The following ZNF343 variants were observed in gnomAD, a reference collection of about 807,000 sequenced individuals.
ZNF343 encodes the protein zinc finger protein 343.
Under a neutral mutation model 13.8 loss-of-function variants are expected in ZNF343, and 11 were observed. The ratio of observed to expected loss-of-function variants is 0.80; its 90% CI spans 0.50 to 1.32. The LOEUF is 1.32. Ranked by LOEUF, ZNF343 falls within the 40% of genes most tolerant of loss-of-function variation. ZNF343 has a pLI of 0.00. For missense variants in ZNF343, 658 were observed against 714.2 expected (o/e 0.92, Z 0.90); for synonymous variants, 248 against 260.0 (o/e 0.95, Z 0.44).
intron 2 of ZNF343, among the ~76,000 whole-genome samples, chr20:2,498,815 G>A (rs552033308): frequency 2.6e-5 from 4 of 152,128 alleles, no homozygotes; most frequent in Non-Finnish European, 5.9e-5. Context: ...TGTCTCCAGG[G>A]TTACACAGCT....
chr20:2,520,857 T>G (rs2122764222), intron 1 of ZNF343, among the ~76,000 whole-genome samples: 2 of 152,258 alleles, frequency 1.3e-5, no homozygotes, highest in Middle Eastern at 6.8e-3. Flanking sequence ...GGTTGGCACT[T>G]GGACTCTGAA....
At chr20:2,489,150 G>C (rs949952192) in intron 5 of ZNF343, among the ~76,000 whole-genome samples, 4 of 152,172 alleles carry the variant, frequency 2.6e-5, no homozygotes, top group African/African-American at 7.2e-5. Context: ...GGTTATGTAA[G>C]AATCCATTTT....
Position 2,484,497 on chromosome 20 carries a change from C to G in ZNF343, c.464G>C (p.Gly155Ala), listed in dbSNP as rs1490070373. ...NSSPGHWKQQ[G>A]QQYSHVSCWF... ...ACAGCTTACATGGGAATACTGCTGCCCCTGCTGTTTCCAATGCCCTGGGCT... is the reference window on the plus strand; with the variant it reads ...ACAGCTTACATGGGAATACTGCTGCGCCTGCTGTTTCCAATGCCCTGGGCT... Residue 155 changes from glycine to alanine, a missense_variant, in exon 6 of 6, where the codon GGG (glycine) becomes GCG (alanine). Coordinates refer to ENST00000278772, the MANE Select transcript of ZNF343 (RefSeq NM_024325.6). 1.2e-6 allele frequency: 2 copies of G among 1,614,218 alleles called. No homozygotes were observed. The highest frequency in any genetic ancestry group is 3.3e-5 in the Admixed American group (2 of 60,020).
rs1239982108 is a variant in ZNF343 at position 2,508,485 on chromosome 20, G to A, written c.-237+396C>T. 1.3e-5 allele frequency among the ~76,000 whole-genome samples: 2 copies of A among 152,118 alleles called. No individual in the cohort carries two copies. Among genetic ancestry groups the A allele is most frequent in the African/African-American group, 2.4e-5 (1 of 41,410 alleles). On this transcript the variant is annotated intron_variant, in intron 1 of 5. Coordinates refer to ENST00000278772, the MANE Select transcript of ZNF343 (RefSeq NM_024325.6). This position sits in a 1 kb window ranked among gnomAD's most constrained non-coding sequence, Gnocchi z 4.5. ...AGCCACGTCCCCACCCCAGCCGCGG[G>A]GATGTTGGTCCATTTGGCCCTGGCA... is the stretch of plus-strand genomic sequence containing the variant.
At chr20:2,487,820 C>G in intron 5 of ZNF343, among the ~76,000 whole-genome samples, 1 of 152,228 alleles carries the variant, frequency 6.6e-6, no homozygotes, top group East Asian at 1.9e-4. Context: ...CTCAGCTTAG[C>G]CAAGTGTTCT....
At chr20:2,496,564 G>A (rs895526418) in intron 2 of ZNF343, among the ~76,000 whole-genome samples, 1 of 152,128 alleles carries the variant, frequency 6.6e-6, no homozygotes, top group South Asian at 2.1e-4. Flanking sequence ...GGTAGACTAG[G>A]AACAGACAAA....
intron 2 of ZNF343, among the ~76,000 whole-genome samples, chr20:2,497,593 AAC>A (rs1157904134): frequency 3.9e-5 from 6 of 152,220 alleles, no homozygotes; most frequent in Non-Finnish European, 7.3e-5. Flanking sequence ...CCTTGGCAAG[AAC>A]AGTTTCTGGA....
intron 1 of ZNF343, among the ~76,000 whole-genome samples, chr20:2,521,979 A>G (rs1373058067): frequency 6.6e-6 from 1 of 152,246 alleles, no homozygotes; most frequent in African/African-American, 2.4e-5. Flanking sequence ...GCACTTAAGA[A>G]GCATGTAAGG....
chr20:2,493,661 G>A, intron 3 of ZNF343, 84 bp from the exon 4 acceptor site: 1 of 1,325,624 alleles, frequency 7.5e-7, no homozygotes. Flanking sequence ...CAGCTCTTCT[G>A]AGCCTTAGGA....
chr20:2,510,490 C>T (rs1219440824), upstream of ZNF343, among the ~76,000 whole-genome samples: 2 of 152,182 alleles, frequency 1.3e-5, no homozygotes, highest in Non-Finnish European at 1.5e-5. Context: ...TTCTTTTCAC[C>T]TTCCCAATAT....
At chr20:2,501,663 C>A (rs1190506160) in intron 1 of ZNF343, among the ~76,000 whole-genome samples, 3 of 152,212 alleles carry the variant, frequency 2.0e-5, no homozygotes, top group Non-Finnish European at 4.4e-5. Flanking sequence ...CCAATATCCA[C>A]TGTTCTGCAG....
intron 1 of ZNF343, among the ~76,000 whole-genome samples, chr20:2,523,509 A>G (rs1011959119): frequency 4.0e-5 from 6 of 151,772 alleles, no homozygotes; most frequent in African/African-American, 1.5e-4. Context: ...GAATCAGAGT[A>G]ACATTTATAA....
intron 1 of ZNF343, among the ~76,000 whole-genome samples, chr20:2,501,289 G>A (rs1156945615): frequency 6.6e-6 from 1 of 152,208 alleles, no homozygotes; most frequent in Non-Finnish European, 1.5e-5. Flanking sequence ...TGAGGCTTGA[G>A]TAGGTAAACA....
intron 1 of ZNF343, among the ~76,000 whole-genome samples, chr20:2,502,381 ACAC>A (rs1295475709): frequency 4.6e-5 from 7 of 152,230 alleles, no homozygotes; most frequent in South Asian, 2.1e-4. Flanking sequence ...AAGTTGGAAA[ACAC>A]TCTGCAGGAT....
intron 5 of ZNF343, among the ~76,000 whole-genome samples, chr20:2,488,989 G>A (rs963294444): frequency 1.3e-4 from 20 of 152,280 alleles, no homozygotes; most frequent in African/African-American, 4.6e-4. Context: ...AGGCTGCAGT[G>A]AGCTATGATC....
intron 1 of ZNF343, 118 bp from the exon 2 acceptor site, chr20:2,500,860 C>T (rs1249317771): frequency 6.6e-6 from 1 of 152,312 alleles, no homozygotes; most frequent in African/African-American, 2.4e-5. Context: ...GGAACAGCTC[C>T]AGTCTACAGC....
chr20:2,509,695 A>G (rs543997487), upstream of ZNF343, among the ~76,000 whole-genome samples: 57 of 152,322 alleles, frequency 3.7e-4, no homozygotes, highest in African/African-American at 7.2e-5. Context: ...TTTAAAACTA[A>G]TAATATTTTT....
rs985338272 is a variant in ZNF343 at position 2,517,818 on chromosome 20, T to C, written c.-347+6637A>G. Among the ~76,000 whole-genome samples the C allele has an allele frequency of 2.0e-5, 3 of 152,154 alleles. No individual in the cohort carries two copies. In the East Asian group the frequency reaches 5.8e-4, roughly 29 times the overall value. ...CGTTGCCCTTGGCCTCAATTTGTTA[T>C]TGCTTATTAGAATAAATTGACATGA... On this transcript the variant is annotated intron_variant, in intron 1 of 6. Transcript: ENST00000358413.
In ZNF343 at chr20:2,483,294, C is replaced by T. The variant is rs750695964; in HGVS notation, c.1667G>A (p.Arg556Gln). The change falls in exon 6 of 6, where the codon CGA becomes CAA. Residue 556 changes from arginine (R) to glutamine (Q), a missense_variant. Coordinates refer to ENST00000278772, the MANE Select transcript of ZNF343 (RefSeq NM_024325.6). ...GAGGAGTGATTTCCGGCTAAAGCCTCGGCCACACTCACTGCACACGTAAGG... is the reference window on the plus strand; with the variant it reads ...GAGGAGTGATTTCCGGCTAAAGCCTTGGCCACACTCACTGCACACGTAAGG... ...EKPYVCSECG[R>Q]GFSRKSLLLV... 1.1e-5 allele frequency: 17 copies of T among 1,610,760 alleles called. No homozygotes were observed. The highest frequency in any genetic ancestry group is 6.7e-5 in the African/African-American group (5 of 74,130).
Sources: allele counts gnomAD v4.1 joint callset (sites outside exome capture counted in the v4.1 genomes callset), GRCh38; gene constraint gnomAD v4.1.1; non-coding constraint Gnocchi (gnomAD v3.1); transcripts MANE v1.5; gene names NCBI Gene and HGNC (gene_info 2026-07-23, HGNC 2026-07-21).